Variants in SEC14L1 observed in about 807,000 individuals in gnomAD.
SEC14L1 encodes SEC14 like lipid binding 1, also known as SEC14-like protein 1.
Under a neutral mutation model 85.3 loss-of-function variants are expected in SEC14L1, and 48 were observed. The observed-to-expected ratio is 0.56, with a 90% CI of 0.45 to 0.72. The LOEUF (loss-of-function observed/expected upper bound fraction) is 0.72, where lower values mean the gene tolerates loss of function less well. Ranked by LOEUF, SEC14L1 falls within the 30% of genes least tolerant of loss-of-function variation. The pLI is 0.00. For missense variants in SEC14L1, 682 were observed against 921.4 expected (o/e 0.74, Z 3.36); for synonymous variants, 391 against 355.5 (o/e 1.10, Z -1.12).
At position 77,108,021 on chromosome 17, in the gene SEC14L1, G is replaced by C. The variant is rs553788670; in HGVS notation, c.-136+14674G>C. Among the ~76,000 whole-genome samples, 18 of 152,244 alleles carry C rather than the reference G, an allele frequency of 1.2e-4. 1 individual carries two copies. Among genetic ancestry groups the C allele is most frequent in the African/African-American group, 3.9e-4 (16 of 41,548 alleles). ...CGCCTCCCAAAGTGTTAAAATTACA[G>C]GTGTGAGCCACTGCTCCCAGCCAGT... On this transcript the variant is annotated intron_variant, in intron 3 of 19. Transcript: ENST00000392476.
intron 14 of SEC14L1, 67 bp from the exon 15 acceptor site, chr17:77,211,883 G>C (rs562583676): frequency 6.3e-7 from 1 of 1,581,256 alleles, no homozygotes; most frequent in African/African-American, 1.3e-5. Flanking sequence ...TGGAGAGCAC[G>C]ATGCGCTCGC....
Position 77,216,705 on chromosome 17 carries a change from T to A in SEC14L1, c.*2682T>A, listed in dbSNP as rs1977119137. On this transcript the variant is annotated 3_prime_UTR_variant, in exon 17 of 17. Coordinates refer to ENST00000436233, the MANE Select transcript of SEC14L1 (RefSeq NM_001143998.2). Reference sequence around the variant, plus strand: ...AAGTTGATTCGGGAGTGGCATTCTTTTATACCCAAAGACTGTAGTGCATCT... The same window carrying A: ...AAGTTGATTCGGGAGTGGCATTCTTATATACCCAAAGACTGTAGTGCATCT... The A allele has an allele frequency of 1.4e-6, 2 of 1,469,762 alleles. No homozygotes were observed. Among genetic ancestry groups the A allele is most frequent in the African/African-American group, 1.4e-5 (1 of 71,778 alleles). 91.0% of individuals were successfully genotyped at this position (1,469,762 alleles called of 1,614,324 possible). A position where few individuals can be genotyped will look rare whatever the true frequency, so the allele number is the denominator to read the frequency against.
At chr17:77,172,736 T>C (rs1974570363) in intron 3 of SEC14L1, among the ~76,000 whole-genome samples, 1 of 152,228 alleles carries the variant, frequency 6.6e-6, no homozygotes, top group South Asian at 2.1e-4. Context: ...CGCTTGCTCC[T>C]TGAGCCTTTC....
chr17:77,185,166 A>ACAAT (rs1444031251), intron 3 of SEC14L1: 6 of 965,174 alleles, frequency 6.2e-6, no homozygotes, highest in Non-Finnish European at 7.4e-6. Context: ...TAGGCATTGA[A>ACAAT]GTCCTCGTTC....
At chr17:77,129,585 G>A (rs1972553381) in intron 3 of SEC14L1, among the ~76,000 whole-genome samples, 1 of 152,150 alleles carries the variant, frequency 6.6e-6, no homozygotes, top group African/African-American at 2.4e-5. Flanking sequence ...TTGGGGGTCT[G>A]AATGATCTTC....
chr17:77,099,527 G>A (rs1263190500), intron 3 of SEC14L1, among the ~76,000 whole-genome samples: 1 of 152,178 alleles, frequency 6.6e-6, no homozygotes, highest in African/African-American at 2.4e-5. Flanking sequence ...AGGCCAAGGC[G>A]GGTGGATCAC....
chr17:77,105,845 A>G (rs1417998380), intron 3 of SEC14L1, among the ~76,000 whole-genome samples: 1 of 152,040 alleles, frequency 6.6e-6, no homozygotes, highest in African/African-American at 2.4e-5. Flanking sequence ...TGTTTAGGTG[A>G]TTGCTTATCC....
At chr17:77,209,263 T>C (rs1976618668) in intron 13 of SEC14L1, 79 bp from the exon 14 acceptor site, 3 of 1,544,510 alleles carry the variant, frequency 1.9e-6, no homozygotes, top group Non-Finnish European at 2.7e-6. Flanking sequence ...TGCAGGGGGA[T>C]AGTGCTGGCC....
intron 3 of SEC14L1, among the ~76,000 whole-genome samples, chr17:77,131,643 A>G (rs1482183414): frequency 6.6e-6 from 1 of 152,218 alleles, no homozygotes; most frequent in Non-Finnish European, 1.5e-5. Context: ...TGTTTGTTGA[A>G]TCCACAAAGG....
intron 3 of SEC14L1, among the ~76,000 whole-genome samples, chr17:77,134,152 C>T (rs1275757057): frequency 4.6e-5 from 7 of 152,130 alleles, no homozygotes; most frequent in Admixed American, 1.3e-4. Context: ...TTACCCTGCC[C>T]GGTGTTGACT....
intron 3 of SEC14L1, among the ~76,000 whole-genome samples, chr17:77,134,460 G>A (rs1972726546): frequency 6.6e-6 from 1 of 152,144 alleles, no homozygotes; most frequent in African/African-American, 2.4e-5. Flanking sequence ...GCTCATGCCT[G>A]TAATCCCAGC....
chr17:77,107,226 AGGCTCCG>A (rs1293056456), intron 3 of SEC14L1, among the ~76,000 whole-genome samples: 1 of 152,274 alleles, frequency 6.6e-6, no homozygotes, highest in East Asian at 1.9e-4. Context: ...AGCCCACGCC[AGGCTCCG>A]GGCTCCGGGG....
intron 1 of SEC14L1, among the ~76,000 whole-genome samples, chr17:77,142,127 G>A (rs1002098725): frequency 1.3e-5 from 2 of 152,076 alleles, no homozygotes; most frequent in African/African-American, 4.8e-5. Flanking sequence ...GAGTCCTAGG[G>A]AAGTCAAATG....
intron 3 of SEC14L1, among the ~76,000 whole-genome samples, chr17:77,123,163 C>T (rs1479632795): frequency 6.6e-6 from 1 of 151,806 alleles, no homozygotes; most frequent in Non-Finnish European, 1.5e-5. Context: ...GATCCTTCTG[C>T]CTCAGCCTCC....
chr17:77,144,807 T>C (rs2143525788), intron 3 of SEC14L1: 1 of 152,338 alleles, frequency 6.6e-6, no homozygotes, highest in African/African-American at 2.4e-5. Context: ...AGATGGGGTT[T>C]CTCTATGTTG....
At chr17:77,140,515 G>T (rs1334117035), upstream of SEC14L1, among the ~76,000 whole-genome samples, 6 of 152,370 alleles carry the variant, frequency 3.9e-5, no homozygotes, top group East Asian at 9.6e-4. Flanking sequence ...GCGACCAGAG[G>T]CAGGCCTCAG....
In SEC14L1 at chr17:77,113,892, C is replaced by T. The variant is rs190989858; in HGVS notation, c.-136+20545C>T. Among the ~76,000 whole-genome samples, 27 of 152,274 alleles carry T rather than the reference C, an allele frequency of 1.8e-4. 1 individual carries two copies. Among genetic ancestry groups the T allele is most frequent in the African/African-American group, 6.3e-4 (26 of 41,552 alleles). ...GAGAAGTGGACACCCTTAAAGCTTC[C>T]GCTTCCCTCTGCAGTACAGCAAAGA... On this transcript the variant is annotated intron_variant, in intron 3 of 19. Transcript: ENST00000392476.
intron 3 of SEC14L1, among the ~76,000 whole-genome samples, chr17:77,101,325 C>T (rs924927625): frequency 2.6e-5 from 4 of 152,036 alleles, no homozygotes; most frequent in African/African-American, 7.2e-5. Flanking sequence ...GGATTACAGG[C>T]GCACACCACG....
At chr17:77,209,595 C>T in intron 14 of SEC14L1, 119 bp downstream of exon 14, 2 of 1,079,946 alleles carry the variant, frequency 1.9e-6, no homozygotes, top group Non-Finnish European at 2.6e-6. Flanking sequence ...TGCTCTTTGT[C>T]TTTAGGCTTT....
Sources: allele counts gnomAD v4.1 joint callset (sites outside exome capture counted in the v4.1 genomes callset), GRCh38; gene constraint gnomAD v4.1.1; transcripts MANE v1.5; gene names NCBI Gene and HGNC (gene_info 2026-07-23, HGNC 2026-07-21).